The following CMIP variants were observed in gnomAD, a reference collection of about 807,000 sequenced individuals.
The protein encoded by CMIP is c-Maf inducing protein, also known as C-Maf-inducing protein.
A neutral mutation model predicts 97.3 loss-of-function variants in CMIP; 13 were observed. That is an observed-to-expected ratio of 0.13 (90% CI 0.09 to 0.21). The LOEUF (loss-of-function observed/expected upper bound fraction) is 0.21, where lower values mean the gene tolerates loss of function less well. CMIP is among the 10% of genes least tolerant of loss of function. The pLI is 1.00. For missense variants in CMIP, 847 were observed against 1,024.9 expected (o/e 0.83, Z 2.37); for synonymous variants, 538 against 436.3 (o/e 1.23, Z -2.91).
intron 1 of CMIP, 49 bp downstream of exon 1, chr16:81,445,590 A>G (rs1905779498): frequency 2.0e-6 from 3 of 1,516,338 alleles, no homozygotes; most frequent in African/African-American, 1.4e-5. Flanking sequence ...GGGGCCCGAG[A>G]TGCGCCCTCC....
At chr16:81,495,375 T>C in intron 1 of CMIP, 1 of 1,527,432 alleles carries the variant, frequency 6.5e-7, no homozygotes, top group African/African-American at 1.4e-5. Context: ...TGGGCGTGCA[T>C]GGCATAACCG....
chr16:81,560,257 C>T (rs1349530392), intron 1 of CMIP, among the ~76,000 whole-genome samples: 5 of 149,192 alleles, frequency 3.4e-5, no homozygotes, highest in African/African-American at 9.9e-5. Flanking sequence ...CTCGCTCCGT[C>T]GCCCAGGCTG....
intron 17 of CMIP, 35 bp from the exon 18 acceptor site, chr16:81,703,904 C>T (rs1907717509): frequency 6.3e-7 from 1 of 1,574,870 alleles, no homozygotes; most frequent in African/African-American, 1.3e-5. Context: ...GAACTCCCAG[C>T]AGCACCCTCA....
Position 81,627,661 on chromosome 16 carries a change from A to C in CMIP, c.477+6735A>C, listed in dbSNP as rs1227101497. Among the ~76,000 whole-genome samples the C allele has an allele frequency of 1.3e-5, 2 of 152,102 alleles. No individual in the cohort carries two copies. Among genetic ancestry groups the C allele is most frequent in the Non-Finnish European group, 1.5e-5 (1 of 67,994 alleles). ...CCCCTGTGCTCCTGAGTCCGGAAACAGTTCTGTGGGGTCCACATCCCTCCC... is the reference window on the plus strand; with the variant it reads ...CCCCTGTGCTCCTGAGTCCGGAAACCGTTCTGTGGGGTCCACATCCCTCCC... On this transcript the variant is annotated intron_variant, in intron 3 of 20. Coordinates refer to ENST00000537098, the MANE Select transcript of CMIP (RefSeq NM_198390.3). This position sits in a 1 kb window ranked among gnomAD's most constrained non-coding sequence, Gnocchi z 4.6.
chr16:81,613,721 A>G (rs2091868298), intron 2 of CMIP, among the ~76,000 whole-genome samples: 1 of 152,198 alleles, frequency 6.6e-6, no homozygotes, highest in Non-Finnish European at 1.5e-5. Flanking sequence ...GTTCTTTTGA[A>G]GGTCTGTTGT....
At chr16:81,645,491 T>A in intron 3 of CMIP, 1 of 1,534,858 alleles carries the variant, frequency 6.5e-7, no homozygotes, top group East Asian at 2.4e-5. Context: ...TGCTGACGAC[T>A]TGTCTCCCGT....
intron 1 of CMIP, among the ~76,000 whole-genome samples, chr16:81,606,156 G>A (rs2091740498): frequency 1.3e-5 from 2 of 152,328 alleles, no homozygotes; most frequent in Admixed American, 6.5e-5. Flanking sequence ...CAGGATAGAG[G>A]TCAGGCTTCT....
At chr16:81,576,122 G>C (rs1277459277) in intron 1 of CMIP, among the ~76,000 whole-genome samples, 2 of 152,140 alleles carry the variant, frequency 1.3e-5, no homozygotes, top group African/African-American at 2.4e-5. Flanking sequence ...AAAAGAATGC[G>C]TCTAGGCGCA....
intron 1 of CMIP, among the ~76,000 whole-genome samples, chr16:81,583,859 A>G (rs1433753760): frequency 2.0e-5 from 3 of 152,178 alleles, no homozygotes; most frequent in Non-Finnish European, 2.9e-5. Flanking sequence ...CAGAGGAACA[A>G]CACATTTGAG....
chr16:81,548,401 T>C (rs964671721), intron 1 of CMIP, among the ~76,000 whole-genome samples: 2 of 152,082 alleles, frequency 1.3e-5, no homozygotes, highest in Non-Finnish European at 2.9e-5. Flanking sequence ...CCTCCCAAAG[T>C]GCTGGGATTA....
At chr16:81,565,666 G>T (rs2966117) in intron 1 of CMIP, among the ~76,000 whole-genome samples, 56,334 of 152,020 alleles carry the variant, frequency 0.37, 12,193 homozygotes, top group South Asian at 0.49. Context: ...CATCCTCATG[G>T]CAGCGGGGCA....
intron 13 of CMIP, among the ~76,000 whole-genome samples, chr16:81,694,921 G>A (rs926049531): frequency 2.6e-4 from 40 of 152,360 alleles, no homozygotes; most frequent in Admixed American, 9.1e-4. Context: ...GGACCAGTGA[G>A]TGTCTCCATT....
At chr16:81,555,426 C>G (rs1160294467) in intron 1 of CMIP, among the ~76,000 whole-genome samples, 2 of 152,194 alleles carry the variant, frequency 1.3e-5, no homozygotes, top group African/African-American at 2.4e-5. Flanking sequence ...AATTCATGCT[C>G]TCAGCAGGGA....
intron 1 of CMIP, chr16:81,495,511 G>T: frequency 1.2e-6 from 2 of 1,612,512 alleles, no homozygotes; most frequent in Non-Finnish European, 1.7e-6. Flanking sequence ...TCCCATGTGG[G>T]GAACGACTCT....
chr16:81,669,985 A>T (rs1243526646), intron 7 of CMIP, among the ~76,000 whole-genome samples, 157 bp from the exon 8 acceptor site: 6 of 152,204 alleles, frequency 3.9e-5, no homozygotes, highest in Non-Finnish European at 7.3e-5. Context: ...AGTAGACGCC[A>T]CCTGTGCTTT....
At chr16:81,448,100 T>C (rs1465386288) in intron 1 of CMIP, among the ~76,000 whole-genome samples, 1 of 152,242 alleles carries the variant, frequency 6.6e-6, no homozygotes, top group Non-Finnish European at 1.5e-5. Context: ...GTCCTGTGGC[T>C]TCGCAGCAGC....
At chr16:81,678,223 G>A (rs980845783) in intron 9 of CMIP, 52 bp from the exon 10 acceptor site, 8 of 1,370,792 alleles carry the variant, frequency 5.8e-6, no homozygotes, top group Non-Finnish European at 7.9e-6. Flanking sequence ...GGGTCATGGT[G>A]CATCATGAAC....
chr16:81,553,817 G>T (rs1256878057), intron 1 of CMIP, among the ~76,000 whole-genome samples: 1 of 152,246 alleles, frequency 6.6e-6, no homozygotes, highest in East Asian at 1.9e-4. Flanking sequence ...CTTCTAATTA[G>T]CAAAGATAGA....
chr16:81,702,155 G>A (rs530290141), intron 16 of CMIP, among the ~76,000 whole-genome samples: 2 of 152,260 alleles, frequency 1.3e-5, no homozygotes, highest in East Asian at 3.9e-4. Flanking sequence ...ACTCACACAT[G>A]TGTACACAGA....
Sources: allele counts gnomAD v4.1 joint callset (sites outside exome capture counted in the v4.1 genomes callset), GRCh38; gene constraint gnomAD v4.1.1; non-coding constraint Gnocchi (gnomAD v3.1); transcripts MANE v1.5; gene names NCBI Gene and HGNC (gene_info 2026-07-23, HGNC 2026-07-21).